The following GLG1 variants were observed in gnomAD, a reference collection of about 807,000 sequenced individuals.
The protein encoded by GLG1 is Golgi apparatus protein 1.
Under a neutral mutation model 160.5 loss-of-function variants are expected in GLG1, and 38 were observed. The observed-to-expected ratio is 0.24, with a 90% CI of 0.18 to 0.31. The LOEUF (loss-of-function observed/expected upper bound fraction) is 0.31, where lower values mean the gene tolerates loss of function less well. GLG1 is among the 10% of genes least tolerant of loss of function. The probability of loss-of-function intolerance (pLI) is 1.00; values close to 1 mark genes in which losing one functional copy is unlikely to be tolerated. For synonymous variants in GLG1, 644 were observed against 543.4 expected, an observed-to-expected ratio of 1.19 and a Z score of -2.57; for missense variants, 1,373 against 1,505.2, an observed-to-expected ratio of 0.91 and a Z score of 1.45.
In GLG1 at chr16:74,496,713, TACACACACACAC is replaced by T. The variant is rs34221253; in HGVS notation, c.775-81_775-70del. ...GGGTTTCAAATAAACAACATTTGGC[TACACACACACAC>T]ACACACACACACACACACACACAAA... is the stretch of plus-strand genomic sequence containing the variant. On this transcript the variant is annotated intron_variant, in intron 4 of 25. Coordinates refer to ENST00000422840, the MANE Select transcript of GLG1 (RefSeq NM_001145667.2). The T allele has an allele frequency of 1.9e-4, 116 of 617,674 alleles. 1 individual carries two copies. Among genetic ancestry groups the T allele is most frequent in the Non-Finnish European group, 1.6e-4 (54 of 341,608 alleles). The allele number at this position is 617,674 out of a possible 1,614,324, so 38.3% of individuals were successfully genotyped here.
intron 1 of GLG1, among the ~76,000 whole-genome samples, chr16:74,579,435 C>A (rs1026351186): frequency 1.3e-5 from 2 of 151,804 alleles, no homozygotes; most frequent in Non-Finnish European, 2.9e-5. Flanking sequence ...AAACAAAAAA[C>A]CCTTGGCCAG....
In GLG1 at chr16:74,529,809, GTTCTTT is replaced by G. The variant is rs1191358670; in HGVS notation, c.471+2306_471+2311del. 2.2e-4 allele frequency among the ~76,000 whole-genome samples: 23 copies of G among 104,098 alleles called. 1 individual carries two copies. The South Asian group carries it at 5.3e-3, about 24-fold the overall frequency. The allele number at this position is 104,098 out of a possible 152,430, so 68.3% of individuals were successfully genotyped here. A position where few individuals can be genotyped will look rare whatever the true frequency, so the allele number is the denominator to read the frequency against. On this transcript the variant is annotated intron_variant, in intron 2 of 25. Transcript: ENST00000422840. ...CTTCCTATTCCTTGGCTCTTTGAGA[GTTCTTT>G]TTTTTTTTTTTTTTTTTTTGTGACG... is the stretch of plus-strand genomic sequence containing the variant.
intron 13 of GLG1, among the ~76,000 whole-genome samples, chr16:74,473,554 C>T (rs113633798): frequency 6.6e-6 from 1 of 151,310 alleles, no homozygotes; most frequent in African/African-American, 2.4e-5. Context: ...ACTCTCCTGC[C>T]TCAGCCTCCC....
At chr16:74,569,848 T>G in intron 1 of GLG1, among the ~76,000 whole-genome samples, 1 of 136,452 alleles carries the variant, frequency 7.3e-6, no homozygotes, top group African/African-American at 2.8e-5. Context: ...GGCGACAGAT[T>G]GAAACTCCAA....
At chr16:74,502,999 G>A (rs1250945372) in intron 4 of GLG1, among the ~76,000 whole-genome samples, 1 of 151,794 alleles carries the variant, frequency 6.6e-6, no homozygotes, top group Non-Finnish European at 1.5e-5. Flanking sequence ...TTGAGGTCAG[G>A]AGTTCAAGAT....
At chr16:74,509,508 G>A (rs1181022497) in intron 2 of GLG1, among the ~76,000 whole-genome samples, 2 of 151,716 alleles carry the variant, frequency 1.3e-5, no homozygotes, top group Non-Finnish European at 2.9e-5. Context: ...GAGGAGAGTC[G>A]CCCAGGTTCT....
intron 1 of GLG1, among the ~76,000 whole-genome samples, chr16:74,594,698 T>C (rs1958259638): frequency 6.6e-6 from 1 of 152,070 alleles, no homozygotes; most frequent in Admixed American, 6.6e-5. Context: ...AAATTAGGCA[T>C]TCGGAAGATG....
intron 1 of GLG1, among the ~76,000 whole-genome samples, 153 bp downstream of exon 1, chr16:74,606,504 A>G (rs1958569476): frequency 6.6e-6 from 1 of 152,166 alleles, no homozygotes; most frequent in Non-Finnish European, 1.5e-5. Flanking sequence ...TTTCCCTGAA[A>G]GCGCCTGGGA....
At chr16:74,603,166 C>T (rs1352726208) in intron 1 of GLG1, among the ~76,000 whole-genome samples, 1 of 152,070 alleles carries the variant, frequency 6.6e-6, no homozygotes, top group Non-Finnish European at 1.5e-5. Context: ...AATCCCAGCA[C>T]TTTGGGAGAC....
At chr16:74,537,906 C>T (rs969726016) in intron 1 of GLG1, among the ~76,000 whole-genome samples, 1 of 152,022 alleles carries the variant, frequency 6.6e-6, no homozygotes, top group African/African-American at 2.4e-5. Context: ...AAGGTTTTTA[C>T]AGAAAGTCTG....
At chr16:74,543,368 G>A (rs1245069636) in intron 1 of GLG1, among the ~76,000 whole-genome samples, 1 of 152,226 alleles carries the variant, frequency 6.6e-6, no homozygotes, top group Non-Finnish European at 1.5e-5. Flanking sequence ...TTGGGAGGCT[G>A]AGGTGGACAG....
chr16:74,501,225 G>A (rs1365922547), intron 4 of GLG1, among the ~76,000 whole-genome samples: 2 of 152,160 alleles, frequency 1.3e-5, no homozygotes, highest in Admixed American at 1.3e-4. Flanking sequence ...TTTAAATTTG[G>A]CTGTAGTACA....
chr16:74,460,348 G>C (rs1284674911), intron 22 of GLG1, among the ~76,000 whole-genome samples: 2 of 152,078 alleles, frequency 1.3e-5, no homozygotes, highest in Non-Finnish European at 2.9e-5. Context: ...GTAGAGATGG[G>C]GTTTCGCCAT....
intron 1 of GLG1, among the ~76,000 whole-genome samples, chr16:74,579,173 C>A (rs1957879323): frequency 6.6e-6 from 1 of 151,574 alleles, no homozygotes; most frequent in South Asian, 2.1e-4. Flanking sequence ...ACAGCAAGAC[C>A]CTGTCTCTTA....
chr16:74,532,337 G>A (rs923758897), intron 1 of GLG1, among the ~76,000 whole-genome samples, 184 bp from the exon 2 acceptor site: 7 of 151,786 alleles, frequency 4.6e-5, no homozygotes, highest in African/African-American at 1.7e-4. Context: ...TAGGCTGTTG[G>A]GGAGAAATGT....
chr16:74,481,847 C>T (rs1352581702), intron 10 of GLG1, among the ~76,000 whole-genome samples: 3 of 152,040 alleles, frequency 2.0e-5, no homozygotes, highest in Non-Finnish European at 4.4e-5. Context: ...GGCAGTGGCG[C>T]GATATCGGCT....
At chr16:74,462,727 A>C in intron 20 of GLG1, 97 bp from the exon 21 acceptor site, 2 of 1,066,332 alleles carry the variant, frequency 1.9e-6, no homozygotes, top group Non-Finnish European at 2.9e-6. Context: ...TATGTCAATG[A>C]TCATGACTAC....
At chr16:74,549,654 G>A (rs955010140) in intron 1 of GLG1, among the ~76,000 whole-genome samples, 1 of 152,016 alleles carries the variant, frequency 6.6e-6, no homozygotes, top group Admixed American at 6.6e-5. Context: ...TTTGCTCCAA[G>A]TATGACTAGA....
At chr16:74,517,667 C>T (rs2017023008) in intron 2 of GLG1, among the ~76,000 whole-genome samples, 1 of 152,152 alleles carries the variant, frequency 6.6e-6, no homozygotes, top group Non-Finnish European at 1.5e-5. Flanking sequence ...TCTCACCACT[C>T]CTATTCAACA....
Sources: gnomAD v4.1 joint callset for allele counts (sites outside exome capture counted in the v4.1 genomes callset) on GRCh38, gnomAD v4.1.1 for gene constraint, MANE v1.5 for transcripts, NCBI Gene and HGNC (gene_info 2026-07-23, HGNC 2026-07-21) for gene names.